Variants in FAF1 observed in about 807,000 individuals in gnomAD.
The protein encoded by FAF1 is Fas associated factor 1, also known as FAS-associated factor 1.
Under a neutral mutation model 92.5 loss-of-function variants are expected in FAF1, and 25 were observed. The ratio of observed to expected loss-of-function variants is 0.27; its 90% CI spans 0.20 to 0.38. The LOEUF (loss-of-function observed/expected upper bound fraction) is 0.38. Ranked by LOEUF, FAF1 falls within the 10% of genes least tolerant of loss-of-function variation. FAF1 has a pLI of 1.00. For missense variants in FAF1, 636 were observed against 793.3 expected (o/e 0.80, Z 2.38); for synonymous variants, 234 against 273.2 (o/e 0.86, Z 1.42).
Position 50,557,907 on chromosome 1 carries a change from C to CTTATTTATTTAT in FAF1, c.1268+9158_1268+9169dup, listed in dbSNP as rs147268445. Among the ~76,000 whole-genome samples, 438 of 150,518 alleles carry CTTATTTATTTAT rather than the reference C, an allele frequency of 2.9e-3. 1 individual carries two copies. Among genetic ancestry groups the CTTATTTATTTAT allele is most frequent in the Middle Eastern group, 6.9e-3 (2 of 288 alleles). On this transcript the variant is annotated intron_variant, in intron 13 of 18. Transcript: ENST00000396153. ...TTAAGATATTTCACTTTATAAATAT[C>CTTATTTATTTAT]TTATTTATTTATTTATTTATTTAGA... is the stretch of plus-strand genomic sequence containing the variant.
chr1:50,701,192 AAT>A (rs1284031166), intron 7 of FAF1, among the ~76,000 whole-genome samples: 2 of 152,102 alleles, frequency 1.3e-5, no homozygotes, highest in African/African-American at 4.8e-5. Context: ...ATCAAACTAT[AAT>A]ATATGTTAAT....
chr1:50,594,105 G>C (rs776382596), intron 9 of FAF1, among the ~76,000 whole-genome samples: 31 of 151,944 alleles, frequency 2.0e-4, no homozygotes, highest in Non-Finnish European at 4.1e-4. Context: ...TTGAGGTCAG[G>C]AGTTCAAGAC....
At chr1:50,838,556 AAAAT>A (rs199783178) in intron 2 of FAF1, among the ~76,000 whole-genome samples, 33,741 of 147,552 alleles carry the variant, frequency 0.23, 4,272 homozygotes, top group Middle Eastern at 0.44. Flanking sequence ...TTATAAATTA[AAAAT>A]ATATATATTT....
chr1:50,827,099 C>A (rs1181796192), intron 2 of FAF1, among the ~76,000 whole-genome samples: 1 of 151,958 alleles, frequency 6.6e-6, no homozygotes, highest in Non-Finnish European at 1.5e-5. Context: ...GCCCGGCCAC[C>A]CCATCTGGGA....
At position 50,745,917 on chromosome 1, in the gene FAF1, G is replaced by A. The variant is rs117291672; in HGVS notation, c.368-1142C>T. ...GAGCTCAGAAGACAAGAAGATGAGG[G>A]AAAATTAGGAACTTCCTAGAGACTT... On this transcript the variant is annotated intron_variant, in intron 4 of 18. Transcript: ENST00000396153. 2.1e-4 allele frequency among the ~76,000 whole-genome samples: 32 copies of A among 152,148 alleles called. 1 individual carries two copies. The East Asian group carries it at 6.2e-3, about 29-fold the overall frequency.
intron 8 of FAF1, among the ~76,000 whole-genome samples, chr1:50,613,665 G>A (rs1301439936): frequency 6.6e-6 from 1 of 151,624 alleles, no homozygotes; most frequent in Non-Finnish European, 1.5e-5. Flanking sequence ...AATACACAAG[G>A]AATTATACTT....
chr1:50,820,985 A>T (rs559382898), intron 2 of FAF1, among the ~76,000 whole-genome samples: 1 of 152,188 alleles, frequency 6.6e-6, no homozygotes, highest in Non-Finnish European at 1.5e-5. Flanking sequence ...TTACTACTCT[A>T]AGATTTGTGG....
intron 7 of FAF1, among the ~76,000 whole-genome samples, chr1:50,705,167 G>A: frequency 6.6e-6 from 1 of 152,162 alleles, no homozygotes; most frequent in East Asian, 1.9e-4. Flanking sequence ...CTAGCTTTTA[G>A]GTGGCTGGGG....
At chr1:50,956,665 T>C (rs1257036284) in intron 1 of FAF1, among the ~76,000 whole-genome samples, 1 of 152,228 alleles carries the variant, frequency 6.6e-6, no homozygotes, top group African/African-American at 2.4e-5. Context: ...TTAAATGATT[T>C]GAGCCGGGTG....
At position 50,705,819 on chromosome 1, in the gene FAF1, G is replaced by A; in HGVS notation, c.624C>T (p.Asn208=). ...ITHREVQREY[N]LNFSGSSTIQ... ...TAGTACTGCTTCCTGAGAAGTTCAG[G>A]TTGTACTCCCGCTGGACTTCTCGGT... The change falls in exon 7 of 19, where the codon AAC becomes AAT. Residue 208 remains asparagine, a synonymous_variant. Coordinates refer to ENST00000396153, the MANE Select transcript of FAF1 (RefSeq NM_007051.3). The A allele has an allele frequency of 6.2e-7, 1 of 1,610,624 alleles. No individual in the cohort carries two copies. The highest frequency in any genetic ancestry group is 1.3e-5 in the African/African-American group (1 of 74,872).
intron 1 of FAF1, among the ~76,000 whole-genome samples, chr1:50,888,101 G>GT (rs1644685180): frequency 1.3e-5 from 2 of 152,334 alleles, no homozygotes; most frequent in South Asian, 4.1e-4. Flanking sequence ...CACGTCCCTT[G>GT]TAAGTTGGAT....
intron 15 of FAF1, 61 bp downstream of exon 15, chr1:50,535,308 G>T: frequency 1.8e-6 from 2 of 1,117,748 alleles, no homozygotes; most frequent in South Asian, 2.6e-5. Context: ...ATCATCATTT[G>T]ACAAATTAAA....
At chr1:50,763,760 C>T (rs989306183) in intron 4 of FAF1, among the ~76,000 whole-genome samples, 1 of 152,126 alleles carries the variant, frequency 6.6e-6, no homozygotes, top group African/African-American at 2.4e-5. Flanking sequence ...AATATCATAG[C>T]AAAGTGAACC....
intron 6 of FAF1, among the ~76,000 whole-genome samples, chr1:50,727,289 C>T (rs1411516501): frequency 6.6e-6 from 1 of 152,206 alleles, no homozygotes; most frequent in Non-Finnish European, 1.5e-5. Context: ...CACCTCTATA[C>T]ATATTATACT....
intron 2 of FAF1, among the ~76,000 whole-genome samples, chr1:50,824,484 GA>G (rs34572160): frequency 2.7e-5 from 4 of 148,562 alleles, no homozygotes; most frequent in South Asian, 2.1e-4. Context: ...TGATTAATGC[GA>G]AAAAAAAAGG....
chr1:50,933,222 C>T (rs1423528843), intron 1 of FAF1, among the ~76,000 whole-genome samples: 2 of 152,212 alleles, frequency 1.3e-5, no homozygotes, highest in East Asian at 3.8e-4. Flanking sequence ...GTCTTTTCTA[C>T]TGCGTCAGGC....
intron 1 of FAF1, among the ~76,000 whole-genome samples, chr1:50,868,397 A>G (rs939743177): frequency 6.6e-6 from 1 of 152,148 alleles, no homozygotes; most frequent in Non-Finnish European, 1.5e-5. Context: ...TATTTTCTCT[A>G]TTTTTTATTT....
intron 15 of FAF1, among the ~76,000 whole-genome samples, chr1:50,531,716 A>T (rs1377990009): frequency 6.6e-6 from 1 of 152,168 alleles, no homozygotes; most frequent in African/African-American, 2.4e-5. Context: ...AAAAACAGAG[A>T]TCCATATAAT....
intron 7 of FAF1, among the ~76,000 whole-genome samples, chr1:50,658,768 T>C (rs775122179): frequency 5.3e-5 from 8 of 152,254 alleles, no homozygotes; most frequent in African/African-American, 9.6e-5. Flanking sequence ...GGCTAATGTT[T>C]GATTGTTCCA....
Sources: gnomAD v4.1 joint callset for allele counts (sites outside exome capture counted in the v4.1 genomes callset) on GRCh38, gnomAD v4.1.1 for gene constraint, MANE v1.5 for transcripts, NCBI Gene and HGNC (gene_info 2026-07-23, HGNC 2026-07-21) for gene names.